Variants in SNRPE observed in about 807,000 individuals in gnomAD.
SNRPE encodes the protein small nuclear ribonucleoprotein polypeptide E.
For missense variants in SNRPE, 53 were observed against 111.6 expected (o/e 0.48, Z 2.36); for synonymous variants, 35 against 36.7 (o/e 0.95, Z 0.17).
intron 4 of SNRPE, among the ~76,000 whole-genome samples, chr1:203,869,396 T>A (rs2103512471): frequency 7.2e-6 from 1 of 138,648 alleles, no homozygotes; most frequent in Non-Finnish European, 1.5e-5. Flanking sequence ...AACCTCCGCC[T>A]CCCGGATTCA....
intron 3 of SNRPE, 145 bp from the exon 4 acceptor site, chr1:203,864,896 A>G: frequency 2.3e-6 from 1 of 426,274 alleles, no homozygotes. Context: ...AAAAAAAAAA[A>G]AAAAACTTTG....
chr1:203,867,847 T>C (rs1326570163), intron 4 of SNRPE, among the ~76,000 whole-genome samples: 1 of 152,052 alleles, frequency 6.6e-6, no homozygotes, highest in Non-Finnish European at 1.5e-5. Flanking sequence ...TTAATTTGGT[T>C]TTGCTGGGGA....
chr1:203,861,954 A>G, intron 1 of SNRPE: 1 of 610,598 alleles, frequency 1.6e-6, no homozygotes, highest in South Asian at 2.0e-5. Context: ...AGAGAACTTC[A>G]GGTGCGGAGT....
At chr1:203,862,472 C>G (rs1417690519) in intron 2 of SNRPE, among the ~76,000 whole-genome samples, 1 of 152,002 alleles carries the variant, frequency 6.6e-6, no homozygotes, top group Non-Finnish European at 1.5e-5. Context: ...TTTTTAATTC[C>G]AAAAAGTATT....
chr1:203,867,065 T>G (rs1690102191), intron 4 of SNRPE, among the ~76,000 whole-genome samples: 1 of 143,962 alleles, frequency 6.9e-6, no homozygotes, highest in Non-Finnish European at 1.5e-5. Flanking sequence ...GGTCAGGAAT[T>G]CAAGACCATC....
At chr1:203,862,334 C>A in intron 2 of SNRPE, 112 bp downstream of exon 2, 1 of 787,708 alleles carries the variant, frequency 1.3e-6, no homozygotes, top group Non-Finnish European at 2.2e-6. Flanking sequence ...ATAGATGTAA[C>A]TGGAGATTGG....
At chr1:203,862,928 C>G (rs1220460162) in intron 2 of SNRPE, among the ~76,000 whole-genome samples, 1 of 152,040 alleles carries the variant, frequency 6.6e-6, no homozygotes, top group Non-Finnish European at 1.5e-5. Context: ...CTGTCAAAAA[C>G]TTTCACTCTT....
chr1:203,868,799 A>G (rs1690148128), intron 4 of SNRPE, among the ~76,000 whole-genome samples: 1 of 74,654 alleles, frequency 1.3e-5, no homozygotes, highest in Non-Finnish European at 3.0e-5. Flanking sequence ...CCTCCCAAGT[A>G]ACTGGGATTA....
In SNRPE at chr1:203,865,022, A is replaced by T. The variant is rs753571096; in HGVS notation, c.145-19A>T. The stretch of plus-strand genomic sequence containing the variant: ...GAATGTGATTTTCTTTGAAGATAAC[A>T]GTTTGTTTATTTTTCTAGGGTTTTG... On this transcript the variant is annotated intron_variant, in intron 3 of 4. Coordinates refer to ENST00000414487, the MANE Select transcript of SNRPE (RefSeq NM_003094.4). The T allele has an allele frequency of 3.5e-5, 56 of 1,602,424 alleles. No homozygotes were observed. The highest frequency in any genetic ancestry group is 4.5e-5 in the Non-Finnish European group (53 of 1,175,318).
chr1:203,867,116 A>AC (rs1247176485), intron 4 of SNRPE, among the ~76,000 whole-genome samples: 9 of 101,930 alleles, frequency 8.8e-5, no homozygotes, highest in Non-Finnish European at 1.7e-4. Flanking sequence ...TGAAAAAAAA[A>AC]AAAAAAAAAA....
At chr1:203,861,881 G>T in intron 1 of SNRPE, 168 bp downstream of exon 1, 1 of 670,882 alleles carries the variant, frequency 1.5e-6, no homozygotes, top group Non-Finnish European at 2.7e-6. Flanking sequence ...TGATGGTGGG[G>T]AGGTGGTCTT....
At chr1:203,869,805 G>C in intron 4 of SNRPE, 72 bp from the exon 5 acceptor site, 1 of 1,034,430 alleles carries the variant, frequency 9.7e-7, no homozygotes, top group Non-Finnish European at 1.5e-6. Flanking sequence ...TCAAAAACTG[G>C]ATACAAAATT....
At chr1:203,864,771 G>A (rs748013049) in intron 3 of SNRPE, among the ~76,000 whole-genome samples, 1 of 151,804 alleles carries the variant, frequency 6.6e-6, no homozygotes, top group East Asian at 1.9e-4. Context: ...AGCTACTTGG[G>A]GGGAGCTGAG....
rs878871640 is a variant in SNRPE, at chr1:203,862,278, G to C, written c.81+56G>C. The C allele has an allele frequency of 4.9e-5, 61 of 1,235,280 alleles. 1 individual carries two copies. In the South Asian group the frequency reaches 7.1e-4, roughly 14 times the overall value. 76.5% of individuals were successfully genotyped at this position (1,235,280 alleles called of 1,614,324 possible). A position where few individuals can be genotyped will look rare whatever the true frequency, so the allele number is the denominator to read the frequency against. The stretch of plus-strand genomic sequence containing the variant: ...TTTAAATAAGAGGTGAACTGATTTA[G>C]TTTTTTGTGTTAACCTGAGCGATCG... On this transcript the variant is annotated intron_variant, in intron 2 of 4. Transcript: ENST00000414487.
chr1:203,864,296 C>T (rs912141730), intron 3 of SNRPE, among the ~76,000 whole-genome samples: 3 of 151,472 alleles, frequency 2.0e-5, no homozygotes, highest in African/African-American at 7.3e-5. Flanking sequence ...AAATATTGAG[C>T]GACAATGTTA....
rs1690183157 is a variant in SNRPE at position 203,870,040 on chromosome 1, C to G, written c.*108C>G. On this transcript the variant is annotated 3_prime_UTR_variant, in exon 5 of 5. Transcript: ENST00000414487. Reference sequence around the variant, plus strand: ...TATTGTTTTGATTACCCTCGTGTTACTACAAGATGGCAATAAATACTATGG... The same window carrying G: ...TATTGTTTTGATTACCCTCGTGTTAGTACAAGATGGCAATAAATACTATGG... 6.2e-6 allele frequency: 4 copies of G among 641,760 alleles called. No individual in the cohort carries two copies. In the South Asian group the frequency reaches 8.7e-5, roughly 14 times the overall value. 39.8% of individuals were successfully genotyped at this position (641,760 alleles called of 1,614,324 possible).
At chr1:203,863,869 A>G in intron 3 of SNRPE, 144 bp downstream of exon 3, 1 of 615,488 alleles carries the variant, frequency 1.6e-6, no homozygotes, top group Non-Finnish European at 3.0e-6. Flanking sequence ...GCCTTTTTTC[A>G]TTGTTGATAG....
intron 2 of SNRPE, among the ~76,000 whole-genome samples, chr1:203,863,309 C>T (rs771986129): frequency 3.3e-4 from 50 of 151,972 alleles, no homozygotes; most frequent in Non-Finnish European, 5.9e-4. Context: ...TGAATCGAGG[C>T]ACCTGGCCTG....
At chr1:203,869,289 C>CTTTTTTTTTTTT (rs564988259) in intron 4 of SNRPE, among the ~76,000 whole-genome samples, 36 of 66,810 alleles carry the variant, frequency 5.4e-4, no homozygotes, top group South Asian at 7.1e-4. Context: ...AGGATGGAGT[C>CTTTTTTTTTTTT]TTTTTTTTTT....
Sources: allele counts gnomAD v4.1 joint callset (sites outside exome capture counted in the v4.1 genomes callset), GRCh38; gene constraint gnomAD v4.1.1; transcripts MANE v1.5; gene names NCBI Gene and HGNC (gene_info 2026-07-23, HGNC 2026-07-21).